Variants in KCNG3 observed in about 807,000 individuals in gnomAD.
The protein encoded by KCNG3 is voltage-gated potassium channel regulatory subunit KCNG3.
A neutral mutation model predicts 29.0 loss-of-function variants in KCNG3; 15 were observed. The ratio of observed to expected loss-of-function variants is 0.52; its 90% CI spans 0.35 to 0.80. KCNG3 has a LOEUF of 0.80. Ranked by LOEUF, KCNG3 falls within the 30% of genes least tolerant of loss-of-function variation. KCNG3 has a pLI of 0.01. For missense variants in KCNG3, 512 were observed against 605.7 expected (o/e 0.85, Z 1.62); for synonymous variants, 322 against 248.9 (o/e 1.29, Z -2.76).
the KCNG3 span, among the ~76,000 whole-genome samples, chr2:42,396,907 G>A: frequency 1.3e-5 from 2 of 152,170 alleles, no homozygotes; most frequent in Admixed American, 1.3e-4. Flanking sequence ...TAGTTGTTTA[G>A]GGAACTAGTT....
rs781364882 is a variant in KCNG3, at chr2:42,443,011, T to C, written c.*923A>G. The stretch of plus-strand genomic sequence containing the variant: ...TTGCTACTAAAAGGCTATATAAATA[T>C]CCTTTCATCTGATAAGTCTTATTAA... On this transcript the variant is annotated 3_prime_UTR_variant, in exon 2 of 2. Transcript: ENST00000306078. 6.6e-6 allele frequency: 1 copy of C among 152,204 alleles called. No homozygotes were observed. The highest frequency in any genetic ancestry group is 1.5e-5 in the Non-Finnish European group (1 of 68,022). 9.4% of individuals were successfully genotyped at this position (152,204 alleles called of 1,614,324 possible). A position where few individuals can be genotyped will look rare whatever the true frequency, so the allele number is the denominator to read the frequency against.
At chr2:42,448,351 ATTTAT>A (rs747627321) in intron 1 of KCNG3, among the ~76,000 whole-genome samples, 54 of 108,106 alleles carry the variant, frequency 5.0e-4, no homozygotes, top group Non-Finnish European at 1.0e-3. Context: ...CCACTTATTT[ATTTAT>A]TTATTTATTT....
At chr2:42,422,101 A>G in the KCNG3 span, among the ~76,000 whole-genome samples, 5 of 152,210 alleles carry the variant, frequency 3.3e-5, no homozygotes, top group Non-Finnish European at 7.3e-5. Context: ...AATGTTTATG[A>G]GGGTGTGGTA....
rs536034685 is a variant in KCNG3, at chr2:42,492,056, C to T, written c.665+781G>A. Among the ~76,000 whole-genome samples, 3 of 152,272 alleles carry T rather than the reference C, an allele frequency of 2.0e-5. No homozygotes were observed. In the South Asian group the frequency reaches 6.2e-4, roughly 32 times the overall value. On this transcript the variant is annotated intron_variant, in intron 1 of 1. Coordinates refer to ENST00000306078, the MANE Select transcript of KCNG3 (RefSeq NM_133329.6). ...CAAGGTAAGACAGTCTAAGAAAAGACTGCAATATTTTCCCATTCATCCTAG... is the reference window on the plus strand; with the variant it reads ...CAAGGTAAGACAGTCTAAGAAAAGATTGCAATATTTTCCCATTCATCCTAG...
rs192416882 is a variant in KCNG3, at chr2:42,477,031, A to T, written c.665+15806T>A. On this transcript the variant is annotated intron_variant, in intron 1 of 1. Coordinates refer to ENST00000306078, the MANE Select transcript of KCNG3 (RefSeq NM_133329.6). ...AAACCCCGTCTCTACTAAAAAATAT[A>T]AAAAAAAAAAATTAGCCGGGCGTGG... Among the ~76,000 whole-genome samples, 76 of 141,774 alleles carry T rather than the reference A, an allele frequency of 5.4e-4. 1 individual carries two copies. In the East Asian group the frequency reaches 0.013, roughly 25 times the overall value. The allele number at this position is 141,774 out of a possible 152,430, so 93.0% of individuals were successfully genotyped here.
the KCNG3 span, among the ~76,000 whole-genome samples, chr2:42,419,426 G>A: frequency 6.6e-6 from 1 of 151,554 alleles, no homozygotes; most frequent in Admixed American, 6.6e-5. Context: ...TTTAGTTAAA[G>A]AGATGGGGTT....
the KCNG3 span, among the ~76,000 whole-genome samples, chr2:42,391,971 A>G: frequency 6.6e-6 from 1 of 152,206 alleles, no homozygotes. Context: ...CCAGGCACTC[A>G]TATCAGTATC....
At chr2:42,468,787 T>G (rs1673208435) in intron 1 of KCNG3, among the ~76,000 whole-genome samples, 1 of 151,680 alleles carries the variant, frequency 6.6e-6, no homozygotes, top group African/African-American at 2.4e-5. Context: ...ACCCCGTCTC[T>G]ACTAAAAATA....
chr2:42,449,514 C>CTTTTTTTTTTTTTTTTTTTTTTTTTT (rs36088470), intron 1 of KCNG3, among the ~76,000 whole-genome samples: 1 of 99,464 alleles, frequency 1.0e-5, no homozygotes, highest in Non-Finnish European at 2.0e-5. Flanking sequence ...ACTGAGATTT[C>CTTTTTTTTTTTTTTTTTTTTTTTTTT]TTTTTTTTTT....
At chr2:42,471,130 C>A (rs1673275088) in intron 1 of KCNG3, among the ~76,000 whole-genome samples, 1 of 148,198 alleles carries the variant, frequency 6.7e-6, no homozygotes, top group Non-Finnish European at 1.5e-5. Context: ...CCAGCCTGGG[C>A]AACAGAGTGA....
At chr2:42,437,230 T>G (rs1385696472), downstream of KCNG3, among the ~76,000 whole-genome samples, 1 of 152,142 alleles carries the variant, frequency 6.6e-6, no homozygotes, top group Admixed American at 6.5e-5. Flanking sequence ...GTGTGCCCAG[T>G]TTCTGATCTT....
chr2:42,473,619 G>A (rs1258775068), intron 1 of KCNG3, among the ~76,000 whole-genome samples: 1 of 151,914 alleles, frequency 6.6e-6, no homozygotes, highest in East Asian at 1.9e-4. Context: ...CAAAGTGCTG[G>A]GATTACAGGA....
intron 1 of KCNG3, among the ~76,000 whole-genome samples, chr2:42,468,959 A>G (rs1673214735): frequency 6.7e-6 from 1 of 149,042 alleles, no homozygotes; most frequent in Admixed American, 6.7e-5. Context: ...GTCTCCAAAA[A>G]AAAAAAAAAA....
chr2:42,491,840 G>GCACAC (rs1673885487), intron 1 of KCNG3, among the ~76,000 whole-genome samples: 1 of 152,166 alleles, frequency 6.6e-6, no homozygotes, highest in Non-Finnish European at 1.5e-5. Flanking sequence ...ACATGACAGG[G>GCACAC]CACAACCTTA....
chr2:42,419,219 CTTTTTTTTTTTTTTTTTTTTT>C, the KCNG3 span, among the ~76,000 whole-genome samples: 4 of 27,738 alleles, frequency 1.4e-4, no homozygotes, highest in East Asian at 3.2e-3. Context: ...GATGGTATCT[CTTTTTTTTTTTTTTTTTTTTT>C]TTTTTTTTTT....
At chr2:42,425,505 G>C in the KCNG3 span, among the ~76,000 whole-genome samples, 15 of 152,064 alleles carry the variant, frequency 9.9e-5, no homozygotes, top group East Asian at 2.9e-3. Flanking sequence ...ATGGGGAGTG[G>C]GAGGAGGATC....
the KCNG3 span, among the ~76,000 whole-genome samples, chr2:42,415,821 G>A: frequency 6.6e-6 from 1 of 152,150 alleles, no homozygotes; most frequent in Non-Finnish European, 1.5e-5. Context: ...ATTATGTTAA[G>A]TGAAATAAGC....
intron 1 of KCNG3, among the ~76,000 whole-genome samples, chr2:42,455,784 A>T (rs1672861506): frequency 6.6e-6 from 1 of 151,846 alleles, no homozygotes; most frequent in Non-Finnish European, 1.5e-5. Context: ...AAAAATAAAA[A>T]TTAAAAATTA....
chr2:42,393,750 G>A, the KCNG3 span, among the ~76,000 whole-genome samples: 1 of 152,006 alleles, frequency 6.6e-6, no homozygotes, highest in African/African-American at 2.4e-5. Flanking sequence ...AGGCAGATGG[G>A]CCAAAAGAGG....
Sources: allele counts gnomAD v4.1 joint callset (sites outside exome capture counted in the v4.1 genomes callset), GRCh38; gene constraint gnomAD v4.1.1; transcripts MANE v1.5; gene names NCBI Gene and HGNC (gene_info 2026-07-23, HGNC 2026-07-21).